Variants in KDM5C observed in about 807,000 individuals in gnomAD.
KDM5C encodes lysine demethylase 5C.
KDM5C carries 16 observed loss-of-function variants against 110.6 expected under a neutral mutation model. The ratio of observed to expected loss-of-function variants is 0.14; its 90% CI spans 0.10 to 0.22. KDM5C has a LOEUF of 0.22. KDM5C is among the 10% of genes least tolerant of loss of function. KDM5C has a pLI of 1.00. For missense variants in KDM5C, 681 were observed against 1,300.9 expected (o/e 0.52, Z 7.33); for synonymous variants, 511 against 520.4 (o/e 0.98, Z 0.24).
intron 25 of KDM5C, among the ~76,000 whole-genome samples, chrX:53,180,316 G>T (rs1426099218): frequency 9.0e-6 from 1 of 111,445 alleles, no homozygotes; most frequent in African/African-American, 3.3e-5. Context: ...GATTTTTAGG[G>T]CAATGAAACT....
chrX:53,204,406 CAG>C (rs1312218085), intron 12 of KDM5C, among the ~76,000 whole-genome samples: 1 of 110,859 alleles, frequency 9.0e-6, no homozygotes, highest in Non-Finnish European at 1.9e-5. Flanking sequence ...GACCTTAAAC[CAG>C]AGACTCTGTT....
chrX:53,193,251 C>A lies in KDM5C; in HGVS notation c.4399G>T (p.Gly1467Trp), dbSNP rs1934556950. 5 of 1,209,264 alleles carry A rather than the reference C, an allele frequency of 4.1e-6. No individual in the cohort carries two copies. The highest frequency in any genetic ancestry group is 5.6e-6 in the Non-Finnish European group (5 of 895,301). The change falls in exon 26 of 26, where the codon GGG becomes TGG. Residue 1467 changes from glycine to tryptophan, a missense_variant. By Grantham distance (184) the Gly-to-Trp change is radical (BLOSUM62 -2). Transcript: ENST00000375401. ...TCTCGGGCTGGGTCATCGCCCTCCC[C>A]ACCCCGATCCACCTTCCGCCGCCGC... ...RRRRRKVDRG[G>W]EGDDPAREEL...
At chrX:53,217,362 T>C in intron 4 of KDM5C, 85 bp from the exon 5 acceptor site, 1 of 1,107,247 alleles carries the variant, frequency 9.0e-7, no homozygotes, top group Non-Finnish European at 1.2e-6. Context: ...CCCAATGGCA[T>C]CCAAAGCTGT....
rs73492114 is a variant in KDM5C, at chrX:53,200,360, T to A, written c.2061+1190A>T. Among the ~76,000 whole-genome samples the A allele has an allele frequency of 2.8e-3, 311 of 111,480 alleles. 2 individuals carry two copies. The highest frequency in any genetic ancestry group is 9.4e-3 in the African/African-American group (287 of 30,661). On this transcript the variant is annotated intron_variant, in intron 14 of 25. Transcript: ENST00000375401. The stretch of plus-strand genomic sequence containing the variant: ...GAAACATACTTAAATACACATACAA[T>A]CTCTTACAGGATTCCAAGACTATGG...
chrX:53,193,256 C>A lies in KDM5C; in HGVS notation c.4394G>T (p.Arg1465Leu), dbSNP rs1184598695. The change falls in exon 26 of 26, where the codon CGG becomes CTG. Residue 1465 changes from arginine (R) to leucine (L), a missense_variant. Around this residue, in one of 14 missense-constraint regions of KDM5C, gnomAD observed 115 missense variants for 120.9 expected, o/e 0.95. Coordinates refer to ENST00000375401, the MANE Select transcript of KDM5C (RefSeq NM_004187.5). ...GGCTGGGTCATCGCCCTCCCCACCC[C>A]GATCCACCTTCCGCCGCCGCCGCCT... ...LERRRRRKVD[R>L]GGEGDDPARE... The A allele has an allele frequency of 8.3e-7, 1 of 1,207,089 alleles. No homozygotes were observed. The highest frequency in any genetic ancestry group is 1.8e-5 in the African/African-American group (1 of 56,867).
downstream of KDM5C, chrX:53,191,726 T>A (rs1317624911): frequency 5.9e-6 from 1 of 169,839 alleles, no homozygotes; most frequent in African/African-American, 3.1e-5. Context: ...TAAAGCATCA[T>A]GGAAGGTTTT....
intron 12 of KDM5C, among the ~76,000 whole-genome samples, chrX:53,208,077 G>T (rs1556846638): frequency 4.2e-5 from 1 of 24,064 alleles, no homozygotes; most frequent in Non-Finnish European, 5.3e-4. Flanking sequence ...TGGGGGCAGG[G>T]AGCTAGATAC....
Position 53,193,590 on chromosome X carries a change from C to T in KDM5C, c.4164G>A (p.Val1388=). The change falls in exon 25 of 26, where the codon GTG becomes GTA. Residue 1388 remains valine, a synonymous_variant. Coordinates refer to ENST00000375401, the MANE Select transcript of KDM5C (RefSeq NM_004187.5). ...CCCGGGTTGCCTCAGGCAGTTCCAACACAGGGCCAGTCAACTGTGGCAACA... is the reference window on the plus strand; with the variant it reads ...CCCGGGTTGCCTCAGGCAGTTCCAATACAGGGCCAGTCAACTGTGGCAACA... ...SSLLPQLTGP[V]LELPEATRAP... 8.2e-7 allele frequency: 1 copy of T among 1,212,142 alleles called. No homozygotes were observed. The highest frequency in any genetic ancestry group is 1.1e-6 in the Non-Finnish European group (1 of 895,555).
intron 25 of KDM5C, among the ~76,000 whole-genome samples, chrX:53,179,808 C>T (rs781877924): frequency 1.4e-4 from 16 of 111,678 alleles, no homozygotes; most frequent in Admixed American, 2.9e-4. Flanking sequence ...TATGGAGCAA[C>T]GGGAACTCTC....
chrX:53,214,574 C>T (rs1364584132), intron 8 of KDM5C, 115 bp downstream of exon 8: 4 of 866,499 alleles, frequency 4.6e-6, no homozygotes, highest in African/African-American at 2.0e-5. Flanking sequence ...CCTAATCCCA[C>T]CACAGAGACC....
intron 15 of KDM5C, 43 bp from the exon 16 acceptor site, chrX:53,198,931 C>T (rs1312074727): frequency 8.3e-7 from 1 of 1,210,524 alleles, no homozygotes; most frequent in African/African-American, 1.7e-5. Flanking sequence ...GCCCAGCTCT[C>T]CATCCTCCTT....
Position 53,225,015 on chromosome X carries a change from C to A in KDM5C, c.-126G>T. ...GGCCCTAAGCGGGGCAGCCGCCGCC[C>A]GCCGAGGGCCTAAGGGGGCGTGTGG... On this transcript the variant is annotated 5_prime_UTR_variant, in exon 1 of 26. Transcript: ENST00000375401. 1 of 854,384 alleles carries A rather than the reference C, an allele frequency of 1.2e-6. No individual in the cohort carries two copies. Among genetic ancestry groups the A allele is most frequent in the South Asian group, 2.6e-5 (1 of 38,038 alleles). 70.4% of individuals were successfully genotyped at this position (854,384 alleles called of 1,213,427 possible). A position where few individuals can be genotyped will look rare whatever the true frequency, so the allele number is the denominator to read the frequency against.
intron 1 of KDM5C, among the ~76,000 whole-genome samples, chrX:53,223,123 C>T (rs185934585): frequency 1.8e-5 from 2 of 112,023 alleles, no homozygotes; most frequent in African/African-American, 6.5e-5. Flanking sequence ...TCCTGATGCC[C>T]CAAAGCAGGG....
At position 53,198,836 on chromosome X, in the gene KDM5C, G is replaced by A. The variant is rs199422238; in HGVS notation, c.2296C>T (p.Arg766Trp). Reference sequence around the variant, plus strand: ...GCCCAGGTGTCAAAGGACTCAGCCCGAACCTTCAGCTTATGCAGCATGGCA... The same window carrying A: ...GCCCAGGTGTCAAAGGACTCAGCCCAAACCTTCAGCTTATGCAGCATGGCA... ...LPAMLHKLKVRAESFDTWANK... is the reference protein window; with the variant it reads ...LPAMLHKLKVWAESFDTWANK... Residue 766 changes from arginine (R) to tryptophan (W), a missense_variant, in exon 16 of 26, where the codon CGG (arginine) becomes TGG (tryptophan). Arg to Trp is a moderately radical substitution (Grantham distance 101). Around this residue, in one of 14 missense-constraint regions of KDM5C, gnomAD observed 123 missense variants for 169.0 expected, o/e 0.73. Transcript: ENST00000375401. 3.3e-6 allele frequency: 4 copies of A among 1,210,624 alleles called. No individual in the cohort carries two copies. The highest frequency in any genetic ancestry group is 1.8e-5 in the South Asian group (1 of 56,896).
intron 25 of KDM5C, among the ~76,000 whole-genome samples, chrX:53,180,052 T>C (rs782673579): frequency 5.4e-5 from 6 of 111,519 alleles, no homozygotes; most frequent in South Asian, 3.8e-4. Flanking sequence ...AGTAAGTAAA[T>C]AGATAAAATG....
At position 53,218,351 on chromosome X, in the gene KDM5C, G is replaced by A. The variant is rs942618824; in HGVS notation, c.276C>T (p.Phe92=). ...TTAAGGAGGAGCCCTGGATTTCCCAGAATTTGGCAATCTGGTCCAAGTAGT... is the reference window on the plus strand; with the variant it reads ...TTAAGGAGGAGCCCTGGATTTCCCAAAATTTGGCAATCTGGTCCAAGTAGT... The part of the protein sequence containing the change: ...KLNYLDQIAK[F]WEIQGSSLKI... The change falls in exon 3 of 26, where the codon TTC becomes TTT. Residue 92 remains phenylalanine, a synonymous_variant. Transcript: ENST00000375401. 26 of 1,210,776 alleles carry A rather than the reference G, an allele frequency of 2.1e-5. 1 individual carries two copies. The East Asian group carries it at 7.1e-4, about 33-fold the overall frequency.
chrX:53,204,590 G>A (rs1479932760), intron 12 of KDM5C, among the ~76,000 whole-genome samples: 1 of 109,585 alleles, frequency 9.1e-6, no homozygotes, highest in Non-Finnish European at 1.9e-5. Flanking sequence ...TCCGCCTCAC[G>A]GGTTCATGCC....
At chrX:53,182,009 C>T (rs1319995564) in intron 25 of KDM5C, among the ~76,000 whole-genome samples, 1 of 110,709 alleles carries the variant, frequency 9.0e-6, no homozygotes, top group Non-Finnish European at 1.9e-5. Context: ...AGGATGGTCT[C>T]GATCCCCTGA....
At chrX:53,208,826 T>A (rs1229236324) in intron 12 of KDM5C, among the ~76,000 whole-genome samples, 2 of 79,660 alleles carry the variant, frequency 2.5e-5, no homozygotes, top group African/African-American at 9.3e-5. Context: ...TTTTTTTTTT[T>A]TTTTTTTGAG....
Sources: allele counts gnomAD v4.1 joint callset (sites outside exome capture counted in the v4.1 genomes callset), GRCh38; gene constraint gnomAD v4.1.1; regional missense constraint gnomAD v4.1.1; transcripts MANE v1.5; gene names NCBI Gene and HGNC (gene_info 2026-07-23, HGNC 2026-07-21).